CABIN1: variants seen among roughly 807,000 people sequenced by gnomAD.
CABIN1 encodes calcineurin binding protein 1.
A neutral mutation model predicts 227.7 loss-of-function variants in CABIN1; 133 were observed. The observed-to-expected ratio is 0.58, with a 90% confidence interval of 0.51 to 0.67. The LOEUF is 0.67. CABIN1 is among the 30% of genes least tolerant of loss of function. The pLI is 0.00. For synonymous variants in CABIN1, 1,086 were observed against 1,155.1 expected (o/e 0.94, Z 1.21); for missense variants, 2,408 against 2,852.5 (o/e 0.84, Z 3.55).
intron 26 of CABIN1, among the ~76,000 whole-genome samples, chr22:24,105,222 G>A (rs1458361048): frequency 6.6e-6 from 1 of 152,126 alleles, no homozygotes; most frequent in Non-Finnish European, 1.5e-5. Context: ...TTCCTTTACA[G>A]TTGATCCTGC....
chr22:24,127,821 C>CATATATAT (rs10640276), intron 28 of CABIN1, among the ~76,000 whole-genome samples: 10 of 150,020 alleles, frequency 6.7e-5, no homozygotes, highest in African/African-American at 2.4e-4. Context: ...TTTAACTTTT[C>CATATATAT]ATATATATAT....
chr22:24,137,523 G>A (rs900548098), intron 29 of CABIN1, among the ~76,000 whole-genome samples: 1 of 152,240 alleles, frequency 6.6e-6, no homozygotes, highest in Non-Finnish European at 1.5e-5. Flanking sequence ...GAAGATCAGG[G>A]CCACCCCAGC....
intron 26 of CABIN1, among the ~76,000 whole-genome samples, chr22:24,110,889 T>C (rs1220208076): frequency 6.6e-6 from 1 of 150,628 alleles, no homozygotes; most frequent in Non-Finnish European, 1.5e-5. Flanking sequence ...TTTAAATGTG[T>C]GTGGAGGGAT....
At chr22:24,164,586 C>T (rs1362192617) in intron 30 of CABIN1, 23 bp downstream of exon 30, 1 of 1,600,678 alleles carries the variant, frequency 6.2e-7, no homozygotes. Flanking sequence ...ACCCTGGACA[C>T]AGCCTGGCAT....
chr22:24,022,697 T>C (rs1024807539), intron 1 of CABIN1, among the ~76,000 whole-genome samples: 6 of 152,234 alleles, frequency 3.9e-5, no homozygotes, highest in Non-Finnish European at 2.9e-5. Context: ...TTTCCATTCC[T>C]ATCAGCAGTG....
chr22:24,030,898 C>T (rs1324290552), intron 1 of CABIN1, among the ~76,000 whole-genome samples: 2 of 152,166 alleles, frequency 1.3e-5, no homozygotes, highest in Non-Finnish European at 2.9e-5. Context: ...CTACCATAGT[C>T]CTGGAGACAA....
At chr22:24,175,044 A>G (rs1460804261) in intron 34 of CABIN1, among the ~76,000 whole-genome samples, 1 of 152,222 alleles carries the variant, frequency 6.6e-6, no homozygotes, top group African/African-American at 2.4e-5. Flanking sequence ...CTCCTCTGTT[A>G]GATCTAAGAA....
chr22:24,178,406 G>A lies in CABIN1; in HGVS notation c.*210G>A, dbSNP rs1217403752. The A allele has an allele frequency of 4.9e-6, 3 of 610,568 alleles. No individual in the cohort carries two copies. The highest frequency in any genetic ancestry group is 2.9e-5 in the East Asian group (1 of 35,024). The allele number at this position is 610,568 out of a possible 1,614,324, so 37.8% of individuals were successfully genotyped here. On this transcript the variant is annotated 3_prime_UTR_variant, in exon 37 of 37. Coordinates refer to ENST00000263119, the MANE Select transcript of CABIN1 (RefSeq NM_012295.4). ...TGGGAGCCCAGAGGAGGAGGGGCCC[G>A]CCTTAGCCATGTGAAGGTGGATTGG...
In CABIN1 at chr22:24,041,208, A is replaced by G; in HGVS notation, c.280A>G (p.Lys94Glu). Residue 94 changes from lysine to glutamate, a missense_variant, in exon 5 of 37, where the codon AAG becomes GAG. By Grantham distance (56) the Lys-to-Glu change is moderately conservative. This residue lies in a region of CABIN1 where 1,045 missense variants were observed against 1,168.4 expected (regional missense o/e 0.89). Transcript: ENST00000263119. Reference protein sequence around the residue: ...PGLILKYSTYKNLAQLAAQRE... With the variant: ...PGLILKYSTYENLAQLAAQRE... ...GCTGATACTGAAATATTCCACTTAT[A>G]AGAACTTGGCCCAGCTGGCAGCCCA... The G allele has an allele frequency of 6.2e-7, 1 of 1,614,202 alleles. No homozygotes were observed. The highest frequency in any genetic ancestry group is 8.5e-7 in the Non-Finnish European group (1 of 1,180,040).
At chr22:24,141,121 G>A (rs1215526597) in intron 29 of CABIN1, among the ~76,000 whole-genome samples, 2 of 152,366 alleles carry the variant, frequency 1.3e-5, no homozygotes, top group African/African-American at 4.8e-5. Flanking sequence ...AGAGGCCAGT[G>A]CTAGGATGTG....
chr22:24,105,561 C>G (rs2042465020), intron 26 of CABIN1, among the ~76,000 whole-genome samples: 1 of 152,270 alleles, frequency 6.6e-6, no homozygotes, highest in East Asian at 1.9e-4. Flanking sequence ...AATCAGCTCT[C>G]AGCTCCTGAG....
At chr22:24,076,133 A>G (rs182193396) in intron 18 of CABIN1, 36 bp from the exon 19 acceptor site, 5 of 1,555,070 alleles carry the variant, frequency 3.2e-6, no homozygotes, top group South Asian at 1.1e-5. Context: ...AGGTTCCCAC[A>G]CTAACTCTGT....
At chr22:24,132,062 C>CAAA (rs34365542) in intron 28 of CABIN1, among the ~76,000 whole-genome samples, 73 of 114,790 alleles carry the variant, frequency 6.4e-4, no homozygotes, top group Non-Finnish European at 9.5e-4. Context: ...ACTCTGTCTC[C>CAAA]AAAAAAAAAA....
At chr22:24,126,362 C>G (rs371829937) in intron 28 of CABIN1, among the ~76,000 whole-genome samples, 2 of 152,234 alleles carry the variant, frequency 1.3e-5, no homozygotes, top group South Asian at 4.1e-4. Flanking sequence ...TAAGCAAGGA[C>G]CTGAATCAAG....
chr22:24,049,092 A>G lies in CABIN1; in HGVS notation c.528A>G (p.Thr176=). 1 of 1,613,968 alleles carries G rather than the reference A, an allele frequency of 6.2e-7. No homozygotes were observed. ...ATAAACTGTCTCTTTCCCCGCCAGC[A>G]TGTCTGTACTTCATCTGCAAAGCTT... is the stretch of plus-strand genomic sequence containing the variant. ...TVLYTLSDYT[T]CLYFICKALE... is the part of the protein sequence containing the mutation. Residue 176 remains threonine (T), a splice_region_variant and synonymous_variant, in exon 7 of 37, where the codon ACA becomes ACG. Transcript: ENST00000263119.
intron 26 of CABIN1, among the ~76,000 whole-genome samples, chr22:24,105,468 G>GA (rs909860725): frequency 2.0e-4 from 31 of 152,076 alleles, no homozygotes; most frequent in African/African-American, 7.2e-4. Context: ...AGAACATTCT[G>GA]AAAAAAAGAG....
chr22:24,106,200 G>T (rs971808362), intron 26 of CABIN1, among the ~76,000 whole-genome samples: 2 of 152,234 alleles, frequency 1.3e-5, no homozygotes, highest in African/African-American at 4.8e-5. Flanking sequence ...ATGGATGGGG[G>T]TCCTACCCCA....
intron 1 of CABIN1, among the ~76,000 whole-genome samples, chr22:24,031,314 A>G (rs1018767155): frequency 1.3e-5 from 2 of 152,160 alleles, no homozygotes; most frequent in Non-Finnish European, 2.9e-5. Context: ...TGGGTGTGAC[A>G]TGGGGAATCC....
At position 24,012,515 on chromosome 22, in the gene CABIN1, A is replaced by G. The variant is rs908514670; in HGVS notation, c.-75+1148A>G. ...GCACTGCCACCACTGAGCTTAAGACATAGGCTTCCCACCTTCCAGGCCAGG... is the reference window on the plus strand; with the variant it reads ...GCACTGCCACCACTGAGCTTAAGACGTAGGCTTCCCACCTTCCAGGCCAGG... On this transcript the variant is annotated intron_variant, in intron 1 of 36. Coordinates refer to ENST00000263119, the MANE Select transcript of CABIN1 (RefSeq NM_012295.4). Among the ~76,000 whole-genome samples, 10 of 152,294 alleles carry G rather than the reference A, an allele frequency of 6.6e-5. No individual in the cohort carries two copies. The South Asian group carries it at 2.1e-3, about 32-fold the overall frequency.
Sources: allele counts gnomAD v4.1 joint callset (sites outside exome capture counted in the v4.1 genomes callset), GRCh38; gene constraint gnomAD v4.1.1; regional missense constraint gnomAD v4.1.1; transcripts MANE v1.5; gene names NCBI Gene and HGNC (gene_info 2026-07-23, HGNC 2026-07-21).